Variants in CAV3 observed in about 807,000 individuals in gnomAD.
CAV3 encodes the protein caveolin 3.
In CAV3, 10 loss-of-function variants were observed where a neutral mutation model predicts 13.4. The observed-to-expected ratio is 0.75, with a 90% CI of 0.46 to 1.27. CAV3 has a LOEUF of 1.27. CAV3 is among the 50% of genes most tolerant of loss of function. The pLI is 0.00. For synonymous variants in CAV3, 90 were observed against 79.0 expected (o/e 1.14, Z -0.74); for missense variants, 162 against 194.0 (o/e 0.83, Z 0.98).
intron 1 of CAV3, among the ~76,000 whole-genome samples, chr3:8,736,723 T>G (rs1346499698): frequency 1.3e-5 from 2 of 152,148 alleles, no homozygotes; most frequent in Non-Finnish European, 2.9e-5. Context: ...CTGAGAGCTG[T>G]CCTCTCCTGG....
At chr3:8,735,429 G>A (rs1180848817) in intron 1 of CAV3, among the ~76,000 whole-genome samples, 5 of 152,276 alleles carry the variant, frequency 3.3e-5, no homozygotes, top group Middle Eastern at 3.4e-3. Flanking sequence ...TCTGCATTTA[G>A]ATTTCATAAA....
rs1575477243 is a variant in CAV3 at position 8,745,464 on chromosome 3, C to T, written c.115-62C>T. On this transcript the variant is annotated intron_variant, in intron 1 of 1. Coordinates refer to ENST00000343849, the MANE Select transcript of CAV3 (RefSeq NM_033337.3). The surrounding 1 kb of genome is among the most constrained non-coding windows in gnomAD (Gnocchi z 4.8). The stretch of plus-strand genomic sequence containing the variant: ...GGATTCTGACACATGCACGCACACA[C>T]CCAAAAGCTTGAGAAGCGGGTGGCT... The T allele has an allele frequency of 1.5e-6, 2 of 1,354,822 alleles. No homozygotes were observed. Among genetic ancestry groups the T allele is most frequent in the South Asian group, 1.2e-5 (1 of 84,046 alleles). The allele number at this position is 1,354,822 out of a possible 1,614,324, so 83.9% of individuals were successfully genotyped here. A position where few individuals can be genotyped will look rare whatever the true frequency, so the allele number is the denominator to read the frequency against.
Position 8,746,130 on chromosome 3 carries a change from C to T in CAV3, c.*263C>T. On this transcript the variant is annotated 3_prime_UTR_variant, in exon 2 of 2. Transcript: ENST00000343849. ...AAGATCATTTGCCAAGAGGCAGCTA[C>T]TGCAAGTCTTTGCGTTCACTTGTAC... is the stretch of plus-strand genomic sequence containing the variant. The T allele has an allele frequency of 6.4e-6, 3 of 471,048 alleles. No individual in the cohort carries two copies. The highest frequency in any genetic ancestry group is 1.2e-5 in the Non-Finnish European group (3 of 259,828). 29.2% of individuals were successfully genotyped at this position (471,048 alleles called of 1,614,324 possible).
At chr3:8,737,960 T>A (rs1707815176) in intron 1 of CAV3, among the ~76,000 whole-genome samples, 1 of 151,966 alleles carries the variant, frequency 6.6e-6, no homozygotes, top group Admixed American at 6.5e-5. Context: ...TAGGGCCACC[T>A]CACTGACAGC....
At chr3:8,738,919 C>T (rs1707850565) in intron 1 of CAV3, among the ~76,000 whole-genome samples, 1 of 152,170 alleles carries the variant, frequency 6.6e-6, no homozygotes, top group Non-Finnish European at 1.5e-5. Flanking sequence ...GCTCTGTCTG[C>T]AGAAGAATAA....
At chr3:8,744,560 C>A (rs1708087905) in intron 1 of CAV3, among the ~76,000 whole-genome samples, 1 of 148,588 alleles carries the variant, frequency 6.7e-6, no homozygotes, top group African/African-American at 2.5e-5. Flanking sequence ...GGAAGACGTT[C>A]ATTGACTCCA....
Position 8,745,098 on chromosome 3 carries a change from C to G in CAV3, c.115-428C>G, listed in dbSNP as rs149131886. On this transcript the variant is annotated intron_variant, in intron 1 of 1. Transcript: ENST00000343849. This position sits in a 1 kb window ranked among gnomAD's most constrained non-coding sequence, Gnocchi z 4.8. ...GATCGGATCACAGAGGCAGATCCCT[C>G]GTGGCTTAGTGCTGTCCTCACAATA... The G allele has an allele frequency of 5.6e-6, 1 of 178,802 alleles. No homozygotes were observed. The highest frequency in any genetic ancestry group is 5.4e-5 in the Admixed American group (1 of 18,474). The allele number at this position is 178,802 out of a possible 1,614,324, so 11.1% of individuals were successfully genotyped here. A position where few individuals can be genotyped will look rare whatever the true frequency, so the allele number is the denominator to read the frequency against.
At chr3:8,734,923 T>C (rs1246136172) in intron 1 of CAV3, among the ~76,000 whole-genome samples, 1 of 152,192 alleles carries the variant, frequency 6.6e-6, no homozygotes, top group Non-Finnish European at 1.5e-5. Flanking sequence ...TTCATTATGT[T>C]GACCAAGCTG....
Position 8,746,060 on chromosome 3 carries a change from T to A in CAV3, c.*193T>A. ...CCACAGAAGCACAATGGCCCTTCGCTCTCCCCCAGCCCCACCATGATGCCC... is the reference window on the plus strand; with the variant it reads ...CCACAGAAGCACAATGGCCCTTCGCACTCCCCCAGCCCCACCATGATGCCC... On this transcript the variant is annotated 3_prime_UTR_variant, in exon 2 of 2. Transcript: ENST00000343849. 1.7e-6 allele frequency: 1 copy of A among 578,250 alleles called. No homozygotes were observed. The highest frequency in any genetic ancestry group is 3.1e-6 in the Non-Finnish European group (1 of 324,320). The allele number at this position is 578,250 out of a possible 1,614,324, so 35.8% of individuals were successfully genotyped here.
intron 1 of CAV3, among the ~76,000 whole-genome samples, chr3:8,735,180 G>T (rs1225073153): frequency 6.6e-6 from 1 of 152,188 alleles, no homozygotes; most frequent in Admixed American, 6.5e-5. Flanking sequence ...GTTACCACAA[G>T]GAATTTAAAA....
At chr3:8,744,929 G>T (rs2124987504) in intron 1 of CAV3, 1 of 153,600 alleles carries the variant, frequency 6.5e-6, no homozygotes, top group East Asian at 1.9e-4. Context: ...CAGGGAGCTT[G>T]TTAGAAATAC....
intron 1 of CAV3, among the ~76,000 whole-genome samples, chr3:8,738,055 TC>T (rs1553613614): frequency 1.3e-5 from 2 of 149,880 alleles, no homozygotes; most frequent in Non-Finnish European, 3.0e-5. Flanking sequence ...TCTCTCTCTC[TC>T]CTCTCTCTCT....
chr3:8,740,518 C>G (rs1432130624), intron 1 of CAV3, among the ~76,000 whole-genome samples: 1 of 152,174 alleles, frequency 6.6e-6, no homozygotes, highest in Non-Finnish European at 1.5e-5. Flanking sequence ...AAGATCAGGG[C>G]TTAGTGGATT....
intron 1 of CAV3, among the ~76,000 whole-genome samples, chr3:8,737,752 T>A (rs1707808661): frequency 6.6e-6 from 1 of 152,140 alleles, no homozygotes. Flanking sequence ...CAGGACAGCC[T>A]CACTGCATGC....
At chr3:8,740,990 A>C (rs1489791538) in intron 1 of CAV3, among the ~76,000 whole-genome samples, 1 of 152,290 alleles carries the variant, frequency 6.6e-6, no homozygotes, top group East Asian at 1.9e-4. Flanking sequence ...ACTGACATGC[A>C]TAAAGGGCCA....
chr3:8,745,916 CTGGT>C lies in CAV3; in HGVS notation c.*50_*53del, dbSNP rs748670765. ...GCAGGGCAGGGGGTGGTGGGCCAGA[CTGGT>C]CCCCGGGGGACTTCTTCACAGGGGC... On this transcript the variant is annotated 3_prime_UTR_variant, in exon 2 of 2. Coordinates refer to ENST00000343849, the MANE Select transcript of CAV3 (RefSeq NM_033337.3). This position sits in a 1 kb window ranked among gnomAD's most constrained non-coding sequence, Gnocchi z 4.8. 11 of 1,512,626 alleles carry C rather than the reference CTGGT, an allele frequency of 7.3e-6. No homozygotes were observed. The South Asian group carries it at 1.2e-4, about 16-fold the overall frequency. The allele number at this position is 1,512,626 out of a possible 1,614,324, so 93.7% of individuals were successfully genotyped here. A position where few individuals can be genotyped will look rare whatever the true frequency, so the allele number is the denominator to read the frequency against.
chr3:8,739,909 G>C (rs571130996), intron 1 of CAV3, among the ~76,000 whole-genome samples: 1 of 152,252 alleles, frequency 6.6e-6, no homozygotes, highest in East Asian at 1.9e-4. Context: ...TGGTGGCTGA[G>C]GCTGCAATCA....
At chr3:8,739,001 T>C (rs1559646125) in intron 1 of CAV3, among the ~76,000 whole-genome samples, 1 of 152,182 alleles carries the variant, frequency 6.6e-6, no homozygotes, top group Non-Finnish European at 1.5e-5. Context: ...GAAGGGCAGG[T>C]TGAAACTAAA....
At chr3:8,741,785 C>T (rs1368351179) in intron 1 of CAV3, among the ~76,000 whole-genome samples, 1 of 152,146 alleles carries the variant, frequency 6.6e-6, no homozygotes, top group Non-Finnish European at 1.5e-5. Flanking sequence ...TGTCCTCCCC[C>T]GCATCCTCAA....
Sources: allele counts gnomAD v4.1 joint callset (sites outside exome capture counted in the v4.1 genomes callset), GRCh38; gene constraint gnomAD v4.1.1; non-coding constraint Gnocchi (gnomAD v3.1); transcripts MANE v1.5; gene names NCBI Gene and HGNC (gene_info 2026-07-23, HGNC 2026-07-21).